Variants in LAMA5 observed in about 807,000 individuals in gnomAD.
LAMA5 encodes the protein laminin subunit alpha 5, also known as laminin subunit alpha-5.
In LAMA5, 260 loss-of-function variants were observed where a neutral mutation model predicts 433.4. The ratio of observed to expected loss-of-function variants is 0.60; its 90% CI spans 0.54 to 0.66. LAMA5 has a LOEUF of 0.66. Ranked by LOEUF, LAMA5 falls within the 30% of genes least tolerant of loss-of-function variation. LAMA5 has a pLI of 0.00. For missense variants in LAMA5, 5,378 were observed against 5,258.5 expected (o/e 1.02, Z -0.70); for synonymous variants, 2,620 against 2,226.6 (o/e 1.18, Z -4.97).
Position 62,338,375 on chromosome 20 carries a change from G to A in LAMA5, c.1619-6C>T, listed in dbSNP as rs760581359. On this transcript the variant is annotated splice_polypyrimidine_tract_variant and splice_region_variant and intron_variant, in intron 12 of 79. Transcript: ENST00000252999. ...AGGGCTGGAACACTGGCAGGCTGCA[G>A]GAAAGGGTGGCCCACATGCTTGGTC... The A allele has an allele frequency of 1.2e-6, 2 of 1,607,286 alleles. No homozygotes were observed. The highest frequency in any genetic ancestry group is 8.5e-7 in the Non-Finnish European group (1 of 1,176,918).
At position 62,316,999 on chromosome 20, in the gene LAMA5, G is replaced by A; in HGVS notation, c.7536C>T (p.Asp2512=). ...CCTCGATGGCCCTCTGGGTGAGGCG[G>A]TCCTGGTTGACGTCCAGGATGATGC... ...LSSIILDVNQ[D]RLTQRAIEAS... The change falls in exon 56 of 80, where the codon GAC becomes GAT. Residue 2512 remains aspartate, a synonymous_variant. Coordinates refer to ENST00000252999, the MANE Select transcript of LAMA5 (RefSeq NM_005560.6). 1.3e-6 allele frequency: 2 copies of A among 1,544,466 alleles called. No individual in the cohort carries two copies. Among genetic ancestry groups the A allele is most frequent in the Non-Finnish European group, 1.8e-6 (2 of 1,142,656 alleles).
chr20:62,330,659 G>A (rs1166743938), intron 30 of LAMA5, 45 bp from the exon 31 acceptor site: 6 of 1,569,150 alleles, frequency 3.8e-6, no homozygotes, highest in Middle Eastern at 1.7e-4. Context: ...ATGAGCCCCT[G>A]CTGCCCCCTG....
chr20:62,334,712 C>G, intron 20 of LAMA5, 91 bp from the exon 21 acceptor site: 1 of 931,924 alleles, frequency 1.1e-6, no homozygotes, highest in Non-Finnish European at 1.5e-6. Context: ...CTGCCTGGGG[C>G]TCTCTGGATG....
At position 62,317,677 on chromosome 20, in the gene LAMA5, C is replaced by T. The variant is rs1274036331; in HGVS notation, c.7341G>A (p.Leu2447=). The T allele has an allele frequency of 1.3e-6, 2 of 1,592,270 alleles. No individual in the cohort carries two copies. Among genetic ancestry groups the T allele is most frequent in the Admixed American group, 3.5e-5 (2 of 56,766 alleles). The change falls in exon 54 of 80, where the codon CTG becomes CTA. Residue 2447 remains leucine (L), a synonymous_variant. Coordinates refer to ENST00000252999, the MANE Select transcript of LAMA5 (RefSeq NM_005560.6). ...LASVFRLLHS[L]DQAKEELERL... ...CTGCACTCACCTCCTTAGCCTGGTC[C>T]AGGCTGTGCAGCAATCTGAAGACGC...
At chr20:62,358,941 G>A (rs1257411188) in intron 2 of LAMA5, among the ~76,000 whole-genome samples, 1 of 152,126 alleles carries the variant, frequency 6.6e-6, no homozygotes, top group East Asian at 1.9e-4. Context: ...CAGGGGCACA[G>A]GCCCTCACCT....
intron 26 of LAMA5, 78 bp downstream of exon 26, chr20:62,333,012 G>A: frequency 7.2e-7 from 1 of 1,387,162 alleles, no homozygotes; most frequent in Non-Finnish European, 9.5e-7. Context: ...CCTATAACCT[G>A]CCACCGCCAC....
At chr20:62,341,773 T>A (rs2146257700) in intron 11 of LAMA5, among the ~76,000 whole-genome samples, 1 of 148,566 alleles carries the variant, frequency 6.7e-6, no homozygotes, top group South Asian at 2.1e-4. Context: ...GAACTGCACC[T>A]GTACTTCGAA....
At position 62,346,973 on chromosome 20, in the gene LAMA5, G is replaced by C; in HGVS notation, c.1012C>G (p.Pro338Ala). The change falls in exon 7 of 80, where the codon CCC (proline) becomes GCC (alanine). Residue 338 changes from proline to alanine, a missense_variant. Transcript: ENST00000252999. ...TTCCACGGCTGCTGATTGAAGCCGGGGCAGCAGCGGTCGCAGGTGCCCCCG... is the reference window on the plus strand; with the variant it reads ...TTCCACGGCTGCTGATTGAAGCCGGCGCAGCAGCGGTCGCAGGTGCCCCCG... ...TCGGTCDRCC[P>A]GFNQQPWKPA... is the part of the protein sequence containing the mutation. The C allele has an allele frequency of 1.2e-6, 2 of 1,612,704 alleles. No individual in the cohort carries two copies. The highest frequency in any genetic ancestry group is 1.3e-5 in the African/African-American group (1 of 75,044).
Position 62,337,668 on chromosome 20 carries a change from A to G in LAMA5, c.2086T>C (p.Cys696Arg), listed in dbSNP as rs1981903551. ...CCCGTCACACGGGGCCGGCAGCTGC[A>G]CTGCCCACTCCGGGGGTCACAGGCT... ...HAACDPRSGQ[C>R]SCRPRVTGLR... The change falls in exon 16 of 80, where the codon TGC becomes CGC. Residue 696 changes from cysteine (C) to arginine (R), a missense_variant. Transcript: ENST00000252999. 4 of 1,612,260 alleles carry G rather than the reference A, an allele frequency of 2.5e-6. No individual in the cohort carries two copies. The East Asian group carries it at 8.9e-5, about 36-fold the overall frequency.
In LAMA5 at chr20:62,309,680, G is replaced by A. The variant is rs767550538; in HGVS notation, c.10948+36C>T. The A allele has an allele frequency of 5.0e-6, 7 of 1,391,182 alleles. No individual in the cohort carries two copies. In the South Asian group the frequency reaches 6.4e-5, roughly 13 times the overall value. 86.2% of individuals were successfully genotyped at this position (1,391,182 alleles called of 1,614,324 possible). A position where few individuals can be genotyped will look rare whatever the true frequency, so the allele number is the denominator to read the frequency against. On this transcript the variant is annotated intron_variant, in intron 79 of 79. Coordinates refer to ENST00000252999, the MANE Select transcript of LAMA5 (RefSeq NM_005560.6). ...GGTTACGCAGCACCTAGTCCTGAGG[G>A]GCAGCTCCCCCACCCTTGATCAAGG...
Position 62,310,010 on chromosome 20 carries a change from A to G in LAMA5, c.10806T>C (p.Asp3602=). Residue 3602 remains aspartate, a synonymous_variant, in exon 78 of 80, where the codon GAT becomes GAC. Coordinates refer to ENST00000252999, the MANE Select transcript of LAMA5 (RefSeq NM_005560.6). ...TSVTRPSVLC[D]GQWHRLAVMK... ...CACCCGCTAGCCGGTGCCACTGGCCATCACACAGCACTGAGGGGCGGGTCA... is the reference window on the plus strand; with the variant it reads ...CACCCGCTAGCCGGTGCCACTGGCCGTCACACAGCACTGAGGGGCGGGTCA... 1.2e-6 allele frequency: 2 copies of G among 1,611,410 alleles called. No homozygotes were observed. The highest frequency in any genetic ancestry group is 1.7e-6 in the Non-Finnish European group (2 of 1,179,700).
chr20:62,340,931 C>G (rs1040733926), intron 11 of LAMA5, among the ~76,000 whole-genome samples: 2 of 151,644 alleles, frequency 1.3e-5, no homozygotes, highest in Non-Finnish European at 1.5e-5. Flanking sequence ...CCCAGCTACT[C>G]GGGAGGCTGA....
chr20:62,312,582 T>G (rs1248584239), intron 67 of LAMA5, 50 bp from the exon 68 acceptor site: 4 of 1,599,230 alleles, frequency 2.5e-6, no homozygotes, highest in Non-Finnish European at 2.5e-6. Flanking sequence ...AAGCCCAGCC[T>G]ACCGCCCCAA....
Position 62,333,093 on chromosome 20 carries a change from A to G in LAMA5, c.3279T>C (p.Ser1093=). The G allele has an allele frequency of 6.7e-7, 1 of 1,503,186 alleles. No individual in the cohort carries two copies. Among genetic ancestry groups the G allele is most frequent in the Non-Finnish European group, 8.9e-7 (1 of 1,128,522 alleles). 93.1% of individuals were successfully genotyped at this position (1,503,186 alleles called of 1,614,324 possible). ...SHPPLITCTG[S]DVDVQLQVAV... is the part of the protein sequence containing the mutation. Reference sequence around the variant, plus strand: ...CGTGGGGTCCCAGGACACGCACATCACTGCCCGTGCAGGTGATCAGTGGCG... The same window carrying G: ...CGTGGGGTCCCAGGACACGCACATCGCTGCCCGTGCAGGTGATCAGTGGCG... The change falls in exon 26 of 80, where the codon AGT becomes AGC. Residue 1093 remains serine (S), a synonymous_variant. Transcript: ENST00000252999.
In LAMA5 at chr20:62,316,853, T is replaced by A. The variant is rs773581969; in HGVS notation, c.7653+29A>T. ...GTGCAGGCAGTGGGGGCGCTCCTGC[T>A]GGGGCTGAGGGGAAGTGAGGGGCCT... is the stretch of plus-strand genomic sequence containing the variant. On this transcript the variant is annotated intron_variant, in intron 56 of 79. Coordinates refer to ENST00000252999, the MANE Select transcript of LAMA5 (RefSeq NM_005560.6). The A allele has an allele frequency of 1.1e-5, 17 of 1,536,178 alleles. No homozygotes were observed. In the Middle Eastern group the frequency reaches 7.9e-4, roughly 71 times the overall value.
Position 62,310,246 on chromosome 20 carries a change from C to T in LAMA5, c.10666G>A (p.Gly3556Arg), listed in dbSNP as rs779422562. Reference sequence around the variant, plus strand: ...GCCTGGCCCAAGTGGAAGATCAGTCCGGTGACTGCCAGGGGCCGCACCTCC... The same window carrying T: ...GCCTGGCCCAAGTGGAAGATCAGTCTGGTGACTGCCAGGGGCCGCACCTCC... ...ELEVRPLAVT[G>R]LIFHLGQART... is the part of the protein sequence containing the mutation. Residue 3556 changes from glycine (G) to arginine (R), a missense_variant, in exon 77 of 80, where the codon GGA (glycine) becomes AGA (arginine). By Grantham distance (125) the Gly-to-Arg change is moderately radical. Coordinates refer to ENST00000252999, the MANE Select transcript of LAMA5 (RefSeq NM_005560.6). 15 of 1,612,440 alleles carry T rather than the reference C, an allele frequency of 9.3e-6. No homozygotes were observed. Among genetic ancestry groups the T allele is most frequent in the African/African-American group, 1.3e-5 (1 of 75,054 alleles).
intron 46 of LAMA5, 43 bp from the exon 47 acceptor site, chr20:62,322,492 T>C: frequency 1.3e-6 from 2 of 1,537,642 alleles, no homozygotes; most frequent in East Asian, 2.4e-5. Flanking sequence ...CCCTCAAGAC[T>C]GTCCCAGACC....
intron 46 of LAMA5, 59 bp downstream of exon 46, chr20:62,322,599 G>A (rs1032556646): frequency 6.9e-7 from 1 of 1,445,980 alleles, no homozygotes; most frequent in Non-Finnish European, 9.4e-7. Flanking sequence ...ATTCTCCCCA[G>A]GCCCCAACTC....
Position 62,327,281 on chromosome 20 carries a change from A to G in LAMA5, c.5064T>C (p.Ala1688=), listed in dbSNP as rs1298428961. The G allele has an allele frequency of 1.3e-6, 2 of 1,568,718 alleles. No homozygotes were observed. The highest frequency in any genetic ancestry group is 1.2e-5 in the South Asian group (1 of 84,916). Reference sequence around the variant, plus strand: ...GGGCCTGCCAGTACAGCTCGGGGAAAGCCTCGGGCACAGCCTCAGGCACGT... The same window carrying G: ...GGGCCTGCCAGTACAGCTCGGGGAAGGCCTCGGGCACAGCCTCAGGCACGT... ...LRHVPEAVPE[A]FPELYWQAPP... Residue 1688 remains alanine, a synonymous_variant, in exon 38 of 80, where the codon GCT becomes GCC. Transcript: ENST00000252999.
Sources: gnomAD v4.1 joint callset for allele counts (sites outside exome capture counted in the v4.1 genomes callset) on GRCh38, gnomAD v4.1.1 for gene constraint, MANE v1.5 for transcripts, NCBI Gene and HGNC (gene_info 2026-07-23, HGNC 2026-07-21) for gene names.